RNF130: variants seen among roughly 807,000 people sequenced by gnomAD.
RNF130 encodes ring finger protein 130, also known as E3 ubiquitin-protein ligase RNF130.
In RNF130, 21 loss-of-function variants were observed where a neutral mutation model predicts 44.6. The observed-to-expected ratio is 0.47, with a 90% CI of 0.33 to 0.68. RNF130 has a LOEUF of 0.68. RNF130 is among the 30% of genes least tolerant of loss of function. The pLI is 0.02. For missense variants in RNF130, 479 were observed against 560.6 expected, an observed-to-expected ratio of 0.85 and a Z score of 1.47; for synonymous variants, 214 against 210.4, an observed-to-expected ratio of 1.02 and a Z score of -0.15.
chr5:180,056,401 G>A (rs1019402855), intron 1 of RNF130, among the ~76,000 whole-genome samples: 1 of 152,196 alleles, frequency 6.6e-6, no homozygotes, highest in Non-Finnish European at 1.5e-5. Flanking sequence ...AGAGGAGGCT[G>A]CAACAGGTGT....
intron 1 of RNF130, among the ~76,000 whole-genome samples, chr5:180,061,083 A>AAAAG: frequency 6.6e-6 from 1 of 151,510 alleles, no homozygotes; most frequent in African/African-American, 2.4e-5. Context: ...AAAAAAAAAA[A>AAAAG]AAAAAAAAAA....
At chr5:180,037,174 G>A (rs1303375445) in intron 2 of RNF130, among the ~76,000 whole-genome samples, 1 of 152,184 alleles carries the variant, frequency 6.6e-6, no homozygotes. Flanking sequence ...ACAGATGCAG[G>A]TGTTTTCAAT....
intron 7 of RNF130, among the ~76,000 whole-genome samples, chr5:179,946,017 C>T (rs1255294504): frequency 6.6e-6 from 1 of 152,238 alleles, no homozygotes; most frequent in Admixed American, 6.5e-5. Flanking sequence ...ACTGACGTTC[C>T]TTCAGCAAGT....
intron 3 of RNF130, among the ~76,000 whole-genome samples, chr5:179,989,891 T>C (rs1443649811): frequency 6.6e-6 from 1 of 152,230 alleles, no homozygotes; most frequent in Non-Finnish European, 1.5e-5. Context: ...ATGAGACTTA[T>C]TAATTTTATA....
chr5:179,985,496 T>C (rs189578485), intron 3 of RNF130, among the ~76,000 whole-genome samples: 100 of 152,236 alleles, frequency 6.6e-4, no homozygotes, highest in African/African-American at 2.3e-3. Flanking sequence ...CTCTGAAGCC[T>C]TCAGTATTGA....
At chr5:180,021,343 A>C (rs953252100) in intron 2 of RNF130, among the ~76,000 whole-genome samples, 4 of 152,214 alleles carry the variant, frequency 2.6e-5, no homozygotes, top group Non-Finnish European at 5.9e-5. Context: ...CTCCGGAAAA[A>C]CACCACTGAA....
At chr5:179,998,673 G>A (rs1763256406) in intron 3 of RNF130, among the ~76,000 whole-genome samples, 1 of 151,880 alleles carries the variant, frequency 6.6e-6, no homozygotes, top group Admixed American at 6.6e-5. Flanking sequence ...AAAACAATGT[G>A]TGTTTTGCAG....
At chr5:179,946,690 A>C (rs1417594006) in intron 7 of RNF130, among the ~76,000 whole-genome samples, 2 of 151,790 alleles carry the variant, frequency 1.3e-5, no homozygotes, top group Admixed American at 6.6e-5. Flanking sequence ...AGTAGCTGGG[A>C]CTACAGGCGC....
At chr5:179,999,307 C>T (rs1763279336) in intron 3 of RNF130, among the ~76,000 whole-genome samples, 1 of 152,104 alleles carries the variant, frequency 6.6e-6, no homozygotes, top group Non-Finnish European at 1.5e-5. Context: ...AAGCGTGAGC[C>T]ACCACGCCTG....
At chr5:179,914,001 T>A (rs1301158318) in exon 8 of RNF130, 2 of 152,286 alleles carry the variant, frequency 1.3e-5, no homozygotes, top group Non-Finnish European at 2.9e-5. Context: ...GGTGTTTTTT[T>A]CTGATGCTAC....
At chr5:179,986,226 C>T (rs954066519) in intron 3 of RNF130, among the ~76,000 whole-genome samples, 7 of 152,216 alleles carry the variant, frequency 4.6e-5, no homozygotes, top group Non-Finnish European at 7.3e-5. Flanking sequence ...GCAATGGCTT[C>T]ATGAATAGAT....
At chr5:179,920,075 C>T (rs1186073921) in exon 8 of RNF130, 1 of 434,300 alleles carries the variant, frequency 2.3e-6, no homozygotes, top group Non-Finnish European at 4.2e-6. Flanking sequence ...TTGCTGGGCG[C>T]CCACCTTCAA....
chr5:179,939,926 C>A lies in RNF130; in HGVS notation c.1151-19500G>T, dbSNP rs183072139. 56 of 261,718 alleles carry A rather than the reference C, an allele frequency of 2.1e-4. 1 individual carries two copies. The highest frequency in any genetic ancestry group is 1.1e-4 in the Non-Finnish European group (14 of 132,004). The allele number at this position is 261,718 out of a possible 1,614,324, so 16.2% of individuals were successfully genotyped here. A position where few individuals can be genotyped will look rare whatever the true frequency, so the allele number is the denominator to read the frequency against. Reference sequence around the variant, plus strand: ...AATGCATTCCACCTCCTTCCTCTGTCTAATCCTTCTTTGTCATAAACGTCC... The same window carrying A: ...AATGCATTCCACCTCCTTCCTCTGTATAATCCTTCTTTGTCATAAACGTCC... On this transcript the variant is annotated intron_variant, in intron 7 of 7. Coordinates refer to the RNF130 transcript ENST00000522208.
chr5:179,940,000 T>C, intron 7 of RNF130: 1 of 225,132 alleles, frequency 4.4e-6, no homozygotes, highest in Non-Finnish European at 8.8e-6. Context: ...ATGCCTCCAC[T>C]GCTCATCTGA....
intron 2 of RNF130, among the ~76,000 whole-genome samples, chr5:180,013,936 A>T (rs191183362): frequency 6.6e-6 from 1 of 152,200 alleles, no homozygotes; most frequent in Non-Finnish European, 1.5e-5. Flanking sequence ...GCCACCTTTT[A>T]TTAGTGACAT....
At chr5:179,979,158 C>T (rs1239752312) in intron 4 of RNF130, among the ~76,000 whole-genome samples, 1 of 151,862 alleles carries the variant, frequency 6.6e-6, no homozygotes, top group Non-Finnish European at 1.5e-5. Context: ...CTGAGGCTAC[C>T]AGGCCAAGAA....
Position 179,966,308 on chromosome 5 carries a change from C to T in RNF130, c.1150+498G>A, listed in dbSNP as rs185357630. On this transcript the variant is annotated intron_variant, in intron 7 of 8. Coordinates refer to ENST00000521389, the MANE Select transcript of RNF130 (RefSeq NM_018434.6). Reference sequence around the variant, plus strand: ...CACCAAAGAGTTAAGTGCCAAGAGACCAAACTTCCATAAAAAATGTAAAAT... The same window carrying T: ...CACCAAAGAGTTAAGTGCCAAGAGATCAAACTTCCATAAAAAATGTAAAAT... Among the ~76,000 whole-genome samples, 9 of 152,170 alleles carry T rather than the reference C, an allele frequency of 5.9e-5. No individual in the cohort carries two copies. The East Asian group carries it at 1.4e-3, about 23-fold the overall frequency.
chr5:179,972,467 T>C (rs898340973), intron 5 of RNF130, among the ~76,000 whole-genome samples: 1 of 152,136 alleles, frequency 6.6e-6, no homozygotes, highest in Non-Finnish European at 1.5e-5. Context: ...GGAAGACATA[T>C]GATGCTGTGA....
At chr5:180,057,363 A>C (rs1296712738) in intron 1 of RNF130, among the ~76,000 whole-genome samples, 1 of 152,252 alleles carries the variant, frequency 6.6e-6, no homozygotes, top group African/African-American at 2.4e-5. Context: ...AGCCTGGCCA[A>C]CATGGTGAAA....
Sources: allele counts gnomAD v4.1 joint callset (sites outside exome capture counted in the v4.1 genomes callset), GRCh38; gene constraint gnomAD v4.1.1; transcripts MANE v1.5; gene names NCBI Gene and HGNC (gene_info 2026-07-23, HGNC 2026-07-21).